CEP55: variants seen among roughly 807,000 people sequenced by gnomAD.
The protein encoded by CEP55 is centrosomal protein of 55 kDa.
CEP55 carries 57 observed loss-of-function variants against 63.2 expected under a neutral mutation model. The ratio of observed to expected loss-of-function variants is 0.90; its 90% CI spans 0.73 to 1.13. The LOEUF (loss-of-function observed/expected upper bound fraction) is 1.13, where lower values mean the gene tolerates loss of function less well. CEP55 is among the 50% of genes most tolerant of loss of function. The pLI is 0.00. For missense variants in CEP55, 456 were observed against 518.9 expected (o/e 0.88, Z 1.18); for synonymous variants, 178 against 191.6 (o/e 0.93, Z 0.59).
chr10:93,509,123 C>T lies in CEP55; in HGVS notation c.528+2067C>T, dbSNP rs986237426. On this transcript the variant is annotated intron_variant, in intron 4 of 8. Coordinates refer to ENST00000371485, the MANE Select transcript of CEP55 (RefSeq NM_018131.5). ...GCTTACATGTGCTTTTTAGGCATCT[C>T]AGTGCTAACTGCTTCAGATATCACC... Among the ~76,000 whole-genome samples, 5 of 152,114 alleles carry T rather than the reference C, an allele frequency of 3.3e-5. No homozygotes were observed. In the East Asian group the frequency reaches 9.6e-4, roughly 29 times the overall value.
intron 8 of CEP55, chr10:93,520,156 G>A (rs554108970): frequency 5.0e-5 from 15 of 300,956 alleles, no homozygotes; most frequent in South Asian, 2.2e-4. Flanking sequence ...GGCTGGGCAC[G>A]ATGGCTTATA....
intron 8 of CEP55, among the ~76,000 whole-genome samples, chr10:93,523,865 G>A (rs1166817941): frequency 2.0e-5 from 3 of 152,194 alleles, no homozygotes; most frequent in Non-Finnish European, 4.4e-5. Context: ...AATGAAGGCA[G>A]AAATAAAGAT....
chr10:93,498,084 T>G (rs1450952071), intron 1 of CEP55, among the ~76,000 whole-genome samples: 1 of 151,148 alleles, frequency 6.6e-6, no homozygotes, highest in Non-Finnish European at 1.5e-5. Context: ...ATAGTGCCAC[T>G]GCACTCCAGC....
intron 8 of CEP55, among the ~76,000 whole-genome samples, chr10:93,524,269 C>T (rs537900557): frequency 4.0e-4 from 61 of 152,216 alleles, no homozygotes; most frequent in African/African-American, 1.4e-3. Flanking sequence ...TCACACCGAT[C>T]CCACAGAAAT....
chr10:93,526,239 A>G (rs1471018188), intron 8 of CEP55, among the ~76,000 whole-genome samples: 1 of 152,240 alleles, frequency 6.6e-6, no homozygotes, highest in African/African-American at 2.4e-5. Context: ...ACAAATTTAA[A>G]AGAAAAAAAC....
intron 4 of CEP55, among the ~76,000 whole-genome samples, chr10:93,511,449 C>T (rs967649873): frequency 2.0e-5 from 3 of 152,050 alleles, no homozygotes; most frequent in African/African-American, 4.8e-5. Flanking sequence ...GATAGAAAGC[C>T]GATGCACACA....
In CEP55 at chr10:93,508,192, A is replaced by T. The variant is rs1211458984; in HGVS notation, c.528+1136A>T. Among the ~76,000 whole-genome samples, 4 of 152,332 alleles carry T rather than the reference A, an allele frequency of 2.6e-5. No homozygotes were observed. In the East Asian group the frequency reaches 7.7e-4, roughly 29 times the overall value. On this transcript the variant is annotated intron_variant, in intron 4 of 8. Coordinates refer to ENST00000371485, the MANE Select transcript of CEP55 (RefSeq NM_018131.5). ...AATGGATTGGTGGGTTTTATTGGGA[A>T]TGGAATAAATTGAGGACACAGGACT...
At chr10:93,503,959 C>G (rs868053928) in intron 3 of CEP55, among the ~76,000 whole-genome samples, 3 of 150,824 alleles carry the variant, frequency 2.0e-5, no homozygotes, top group African/African-American at 7.3e-5. Context: ...GACCCCTGTT[C>G]TAAATCTTAG....
chr10:93,512,899 T>C (rs943945031), intron 4 of CEP55, among the ~76,000 whole-genome samples: 5 of 152,316 alleles, frequency 3.3e-5, no homozygotes, highest in African/African-American at 9.6e-5. Context: ...TGATTATTTT[T>C]CCCAACTTTT....
chr10:93,520,651 G>A (rs755328262), intron 8 of CEP55, among the ~76,000 whole-genome samples: 2 of 151,716 alleles, frequency 1.3e-5, no homozygotes, highest in Non-Finnish European at 2.9e-5. Flanking sequence ...CTTGTTGGGG[G>A]TCTGCATTTG....
Position 93,517,165 on chromosome 10 carries a change from A to T in CEP55, c.910A>T (p.Ile304Leu), listed in dbSNP as rs765188763. ...LEDDRHKTEK[I>L]QKLREENDIA... ...AGATGATAGGCATAAAACAGAGAAG[A>T]TACAAAAACTCAGGGAAGAGAATGA... Residue 304 changes from isoleucine (I) to leucine (L), a missense_variant, in exon 6 of 9, where the codon ATA (isoleucine) becomes TTA (leucine). Coordinates refer to ENST00000371485, the MANE Select transcript of CEP55 (RefSeq NM_018131.5). 1 of 1,613,836 alleles carries T rather than the reference A, an allele frequency of 6.2e-7. No individual in the cohort carries two copies. Among genetic ancestry groups the T allele is most frequent in the African/African-American group, 1.3e-5 (1 of 75,050 alleles).
At chr10:93,512,063 T>C (rs2057756372) in intron 4 of CEP55, among the ~76,000 whole-genome samples, 1 of 150,214 alleles carries the variant, frequency 6.7e-6, no homozygotes, top group Non-Finnish European at 1.5e-5. Context: ...ACCCCGTCTC[T>C]AATAAAAATA....
intron 8 of CEP55, among the ~76,000 whole-genome samples, chr10:93,523,031 T>G (rs900626571): frequency 7.2e-5 from 11 of 152,072 alleles, no homozygotes; most frequent in African/African-American, 2.7e-4. Context: ...CTGCATCAAG[T>G]AAAGAGCAAA....
rs576064326 is a variant in CEP55 at position 93,499,742 on chromosome 10, G to A, written c.-12-298G>A. ...TCACCATGTTGGCCAGACTGGTCTCGAACTCCTGACCTCATGATCCACCCA... is the reference window on the plus strand; with the variant it reads ...TCACCATGTTGGCCAGACTGGTCTCAAACTCCTGACCTCATGATCCACCCA... On this transcript the variant is annotated intron_variant, in intron 1 of 8. Coordinates refer to ENST00000371485, the MANE Select transcript of CEP55 (RefSeq NM_018131.5). 1.6e-4 allele frequency among the ~76,000 whole-genome samples: 24 copies of A among 151,896 alleles called. No homozygotes were observed. The East Asian group carries it at 4.5e-3, about 28-fold the overall frequency.
intron 5 of CEP55, among the ~76,000 whole-genome samples, chr10:93,516,438 T>C (rs919433813): frequency 5.9e-5 from 9 of 152,200 alleles, no homozygotes; most frequent in Non-Finnish European, 1.2e-4. Flanking sequence ...TCTAATTTCT[T>C]TTCTTTGGTA....
At chr10:93,511,506 A>G (rs2134472853) in intron 4 of CEP55, among the ~76,000 whole-genome samples, 1 of 152,354 alleles carries the variant, frequency 6.6e-6, no homozygotes, top group Middle Eastern at 3.4e-3. Context: ...GAACATCGCC[A>G]TCATGTGGCC....
intron 8 of CEP55, among the ~76,000 whole-genome samples, chr10:93,520,998 T>A (rs373643042): frequency 6.6e-5 from 10 of 152,238 alleles, no homozygotes; most frequent in East Asian, 5.8e-4. Context: ...GATGGCTGAA[T>A]AGGAACAGCT....
rs189752263 is a variant in CEP55 at position 93,511,712 on chromosome 10, C to T, written c.529-3693C>T. Reference sequence around the variant, plus strand: ...CCACCTCCTGGGCTCAAGTGATTCTCTTGCCTCAGCGTCCGGAGTAGCTGG... The same window carrying T: ...CCACCTCCTGGGCTCAAGTGATTCTTTTGCCTCAGCGTCCGGAGTAGCTGG... On this transcript the variant is annotated intron_variant, in intron 4 of 8. Coordinates refer to ENST00000371485, the MANE Select transcript of CEP55 (RefSeq NM_018131.5). 2.8e-3 allele frequency among the ~76,000 whole-genome samples: 432 copies of T among 152,142 alleles called. 4 individuals carry two copies. The highest frequency in any genetic ancestry group is 9.8e-3 in the African/African-American group (408 of 41,540).
At chr10:93,516,307 A>G (rs2134482492) in intron 5 of CEP55, among the ~76,000 whole-genome samples, 1 of 152,356 alleles carries the variant, frequency 6.6e-6, no homozygotes, top group East Asian at 1.9e-4. Flanking sequence ...AACAAAGCTA[A>G]TGCTAAAAAG....
Sources: allele counts gnomAD v4.1 joint callset (sites outside exome capture counted in the v4.1 genomes callset), GRCh38; gene constraint gnomAD v4.1.1; transcripts MANE v1.5; gene names NCBI Gene and HGNC (gene_info 2026-07-23, HGNC 2026-07-21).